The following THOC2 variants were observed in gnomAD, a reference collection of about 807,000 sequenced individuals.
The protein encoded by THOC2 is THO complex subunit 2.
THOC2 carries 10 observed loss-of-function variants against 128.4 expected under a neutral mutation model. The observed-to-expected ratio is 0.08, with a 90% CI of 0.05 to 0.13. The LOEUF is 0.13. Among genes scored for constraint, THOC2 ranks in the 10% least tolerant of loss-of-function variants. THOC2 has a pLI of 1.00. For synonymous variants in THOC2, 393 were observed against 396.9 expected, an observed-to-expected ratio of 0.99 and a Z score of 0.12; for missense variants, 535 against 1,155.7, an observed-to-expected ratio of 0.46 and a Z score of 7.79.
At chrX:123,696,254 A>C in intron 6 of THOC2, 100 bp from the exon 7 acceptor site, 1 of 529,540 alleles carries the variant, frequency 1.9e-6, no homozygotes. Flanking sequence ...TCTCCAACCT[A>C]CAACAATCCT....
chrX:123,727,835 G>C (rs189926577), intron 1 of THOC2, among the ~76,000 whole-genome samples: 6 of 112,253 alleles, frequency 5.3e-5, no homozygotes, highest in Admixed American at 4.7e-4. Flanking sequence ...CTGAGAATGA[G>C]GACAGAATCT....
At chrX:123,638,858 A>G (rs1361541204) in intron 17 of THOC2, 76 bp downstream of exon 17, 6 of 659,981 alleles carry the variant, frequency 9.1e-6, no homozygotes, top group Non-Finnish European at 1.4e-5. Flanking sequence ...CTAAAGGAAA[A>G]TAGAATGAAA....
At chrX:123,703,931 C>A in intron 3 of THOC2, among the ~76,000 whole-genome samples, 1 of 89,422 alleles carries the variant, frequency 1.1e-5, no homozygotes, top group African/African-American at 4.2e-5. Context: ...CCAGGTGGTG[C>A]TGAAAAAAGA....
chrX:123,688,452 C>T (rs187486774), intron 7 of THOC2, among the ~76,000 whole-genome samples: 4 of 111,484 alleles, frequency 3.6e-5, no homozygotes, highest in East Asian at 5.6e-4. Context: ...CAGATCAGGC[C>T]GGGCGTGGCA....
Position 123,627,844 on chromosome X carries a change from A to G in THOC2, c.2606T>C (p.Val869Ala). 8.3e-7 allele frequency: 1 copy of G among 1,211,973 alleles called. No individual in the cohort carries two copies. The highest frequency in any genetic ancestry group is 1.1e-6 in the Non-Finnish European group (1 of 895,540). Residue 869 changes from valine (V) to alanine (A), a missense_variant, in exon 23 of 39, where the codon GTT becomes GCT. This residue lies in a region of THOC2 where 90 missense variants were observed against 298.6 expected (regional missense o/e 0.30). Coordinates refer to ENST00000245838, the MANE Select transcript of THOC2 (RefSeq NM_001081550.2). The part of the protein sequence containing the change: ...PVHEAVVSLH[V>A]SKVWDDISPQ... ...GCTGATGTCATCCCAGACTTTGGAA[A>G]CATGTAAGGAGACCACTGCTTCATG...
intron 38 of THOC2, 59 bp downstream of exon 38, chrX:123,610,859 T>G: frequency 9.7e-7 from 1 of 1,035,830 alleles, no homozygotes; most frequent in Admixed American, 2.6e-5. Flanking sequence ...TTTTCAACAT[T>G]ATCAGAACTC....
chrX:123,718,070 T>C (rs1275592846), intron 1 of THOC2, among the ~76,000 whole-genome samples: 1 of 112,370 alleles, frequency 8.9e-6, no homozygotes, highest in East Asian at 2.8e-4. Context: ...TAAAAGAGCA[T>C]GGCGCTGGCA....
At chrX:123,727,683 C>A (rs1187542926) in intron 1 of THOC2, among the ~76,000 whole-genome samples, 1 of 112,287 alleles carries the variant, frequency 8.9e-6, no homozygotes, top group Non-Finnish European at 1.9e-5. Flanking sequence ...GGCAATCCTT[C>A]CTCCTGCCTC....
At position 123,636,811 on chromosome X, in the gene THOC2, C is replaced by T. The variant is rs555933556; in HGVS notation, c.1922-636G>A. 6.3e-5 allele frequency among the ~76,000 whole-genome samples: 7 copies of T among 111,823 alleles called. No individual in the cohort carries two copies. The South Asian group carries it at 2.3e-3, about 36-fold the overall frequency. ...GTCAAGTGCTCTGCAGCCTATTCCA[C>T]AACTATTTGCTAAGCACCTAAATGA... On this transcript the variant is annotated intron_variant, in intron 18 of 38. Transcript: ENST00000245838.
intron 38 of THOC2, among the ~76,000 whole-genome samples, chrX:123,605,612 C>CA (rs201018767): frequency 0.025 from 2,790 of 110,524 alleles, 80 homozygotes; most frequent in African/African-American, 0.087. Context: ...TGTTTGGTGG[C>CA]AAAAAAAGTC....
At chrX:123,601,916 A>G (rs1030460357) in intron 38 of THOC2, 5 of 112,808 alleles carry the variant, frequency 4.4e-5, no homozygotes, top group Admixed American at 2.8e-4. Flanking sequence ...TTATATTAAG[A>G]TGCAGTGTCT....
intron 13 of THOC2, 62 bp downstream of exon 13, chrX:123,645,272 T>G (rs912106155): frequency 1.2e-6 from 1 of 818,961 alleles, no homozygotes; most frequent in African/African-American, 2.1e-5. Flanking sequence ...CACAGTAAAA[T>G]TTGTAATATA....
chrX:123,623,003 A>G (rs2047141632), intron 29 of THOC2, 102 bp downstream of exon 29: 1 of 937,532 alleles, frequency 1.1e-6, no homozygotes, highest in African/African-American at 2.0e-5. Flanking sequence ...CTAGGGAATA[A>G]AAAGTAATAC....
chrX:123,657,458 CA>C (rs1157670396), intron 12 of THOC2, among the ~76,000 whole-genome samples: 2 of 109,768 alleles, frequency 1.8e-5, no homozygotes, highest in Non-Finnish European at 1.9e-5. Flanking sequence ...ATAAAACAAA[CA>C]AAAAAACTAC....
In THOC2 at chrX:123,622,785, G is replaced by A. The variant is rs2047134828; in HGVS notation, c.3758C>T (p.Ser1253Leu). Residue 1253 changes from serine (S) to leucine (L), a missense_variant, in exon 30 of 39, where the codon TCA (serine) becomes TTA (leucine). Ser to Leu is a moderately radical substitution (Grantham distance 145). Around this residue, in one of 9 missense-constraint regions of THOC2, gnomAD observed 116 missense variants for 180.0 expected, o/e 0.64. Transcript: ENST00000245838. ...GTTAGAGCCACTATTTCCATTGCTTGAATTCCCTTTAGGTGTGGTACTAGA... is the reference window on the plus strand; with the variant it reads ...GTTAGAGCCACTATTTCCATTGCTTAAATTCCCTTTAGGTGTGGTACTAGA... The part of the protein sequence containing the change: ...KASSTTPKGN[S>L]SNGNSGSNSN... The A allele has an allele frequency of 8.3e-7, 1 of 1,198,021 alleles. No homozygotes were observed. Among genetic ancestry groups the A allele is most frequent in the East Asian group, 3.0e-5 (1 of 33,754 alleles).
chrX:123,671,302 C>G, intron 9 of THOC2, among the ~76,000 whole-genome samples: 1 of 111,680 alleles, frequency 9.0e-6, no homozygotes, highest in Non-Finnish European at 1.9e-5. Context: ...TATTTCCCAT[C>G]ATTTGTAGAT....
intron 2 of THOC2, among the ~76,000 whole-genome samples, chrX:123,711,878 G>A (rs12559750): frequency 0.32 from 32,747 of 103,015 alleles, 4,156 homozygotes; most frequent in East Asian, 0.67. Flanking sequence ...CTTGAGCCCA[G>A]GAGTTTGAAG....
chrX:123,685,588 A>T (rs927207830), intron 8 of THOC2, among the ~76,000 whole-genome samples: 2 of 111,984 alleles, frequency 1.8e-5, no homozygotes, highest in Admixed American at 1.9e-4. Flanking sequence ...CTAGAATATT[A>T]GATTTAAGAA....
intron 8 of THOC2, among the ~76,000 whole-genome samples, chrX:123,672,552 CTTTAAT>C (rs2049322325): frequency 8.9e-6 from 1 of 111,842 alleles, no homozygotes; most frequent in Non-Finnish European, 1.9e-5. Flanking sequence ...ATTTTTCTTC[CTTTAAT>C]TTTATTTCTT....
Sources: allele counts gnomAD v4.1 joint callset (sites outside exome capture counted in the v4.1 genomes callset), GRCh38; gene constraint gnomAD v4.1.1; regional missense constraint gnomAD v4.1.1; transcripts MANE v1.5; gene names NCBI Gene and HGNC (gene_info 2026-07-23, HGNC 2026-07-21).